ZNF234: variants seen among roughly 807,000 people sequenced by gnomAD.
ZNF234 encodes the protein zinc finger protein 234.
Under a neutral mutation model 10.3 loss-of-function variants are expected in ZNF234, and 4 were observed. The ratio of observed to expected loss-of-function variants is 0.39; its 90% CI spans 0.19 to 0.89. The LOEUF (loss-of-function observed/expected upper bound fraction) is 0.89, where lower values mean the gene tolerates loss of function less well. Among genes scored for constraint, ZNF234 ranks in the 40% least tolerant of loss-of-function variants. The pLI is 0.38. For synonymous variants in ZNF234, 258 were observed against 280.1 expected (o/e 0.92, Z 0.79); for missense variants, 711 against 836.1 (o/e 0.85, Z 1.85).
rs1968472893 is a variant in ZNF234 at position 44,141,918 on chromosome 19, A to G, written c.-131+185A>G. 6.6e-6 allele frequency: 1 copy of G among 152,226 alleles called. No individual in the cohort carries two copies. The highest frequency in any genetic ancestry group is 6.5e-5 in the Admixed American group (1 of 15,286). The allele number at this position is 152,226 out of a possible 1,614,324, so 9.4% of individuals were successfully genotyped here. The stretch of plus-strand genomic sequence containing the variant: ...CCGCCTCCCTGCACTCCAGGCGCGC[A>G]GTCACTTTTTTACAGTGCAAGGTTG... On this transcript the variant is annotated intron_variant, in intron 1 of 5. Transcript: ENST00000426739. The surrounding 1 kb of genome is among the most constrained non-coding windows in gnomAD (Gnocchi z 4.6).
intron 2 of ZNF234, among the ~76,000 whole-genome samples, chr19:44,143,650 A>G (rs1968524011): frequency 6.6e-6 from 1 of 150,990 alleles, no homozygotes; most frequent in South Asian, 2.1e-4. Context: ...CGTCTCTACT[A>G]AAGATACAAA....
intron 5 of ZNF234, among the ~76,000 whole-genome samples, chr19:44,153,164 T>TATATATGATGAATATATATATA (rs1568552114): frequency 3.6e-5 from 2 of 54,868 alleles, no homozygotes; most frequent in African/African-American, 3.4e-4. Context: ...CATGTATTCA[T>TATATATGATGAATATATATATA]CATATATATA....
chr19:44,143,630 A>G (rs1322393947), intron 2 of ZNF234, among the ~76,000 whole-genome samples: 1 of 151,084 alleles, frequency 6.6e-6, no homozygotes, highest in East Asian at 1.9e-4. Context: ...AAAAAAAAAA[A>G]AAGAAAACCC....
Position 44,144,658 on chromosome 19 carries a change from C to T in ZNF234, c.15+11C>T. On this transcript the variant is annotated intron_variant, in intron 3 of 5. Transcript: ENST00000426739. ...ATGACCACATTCAAGGTGAATAAGGCTTGCCACTCTTGCTGTTAAAATTCC... is the reference window on the plus strand; with the variant it reads ...ATGACCACATTCAAGGTGAATAAGGTTTGCCACTCTTGCTGTTAAAATTCC... The T allele has an allele frequency of 1.3e-6, 2 of 1,540,202 alleles. No homozygotes were observed. The highest frequency in any genetic ancestry group is 1.8e-6 in the Non-Finnish European group (2 of 1,138,250).
Position 44,156,970 on chromosome 19 carries a change from T to C in ZNF234, c.954T>C (p.Cys318=). ...ACACAGGAGAGAAACCATACAAATG[T>C]GAGGACTGTGGTAAGTGTTTCACTT... ...MVHTGEKPYK[C]EDCGKCFTCS... The change falls in exon 6 of 6, where the codon TGT becomes TGC. Residue 318 remains cysteine (C), a synonymous_variant. Coordinates refer to ENST00000426739, the MANE Select transcript of ZNF234 (RefSeq NM_006630.3). 1 of 1,614,060 alleles carries C rather than the reference T, an allele frequency of 6.2e-7. No homozygotes were observed. Among genetic ancestry groups the C allele is most frequent in the Non-Finnish European group, 8.5e-7 (1 of 1,179,966 alleles).
chr19:44,150,295 T>C, intron 4 of ZNF234, 118 bp from the exon 5 acceptor site: 1 of 609,064 alleles, frequency 1.6e-6, no homozygotes, highest in Non-Finnish European at 2.6e-6. Flanking sequence ...CTTCTAAAAG[T>C]GTTTGAAAAC....
chr19:44,148,291 G>A (rs914652389), intron 3 of ZNF234, among the ~76,000 whole-genome samples: 2 of 152,180 alleles, frequency 1.3e-5, no homozygotes, highest in Non-Finnish European at 2.9e-5. Context: ...TGCCCTGGGT[G>A]TACAGAAGGA....
intron 5 of ZNF234, among the ~76,000 whole-genome samples, chr19:44,151,900 T>C (rs1968752818): frequency 6.6e-6 from 1 of 152,190 alleles, no homozygotes; most frequent in Non-Finnish European, 1.5e-5. Context: ...CAACCTTAAT[T>C]CCCTCTGCAA....
In ZNF234 at chr19:44,156,273, T is replaced by TGG; in HGVS notation, c.258_259dup (p.Glu87GlyfsTer26). ...ACAGCAGACAAGATCCAAAGTGAGG[T>TGG]GGAGACTGTTCCAGAAGCAGGACGA... On this transcript the variant is annotated frameshift_variant, in exon 6 of 6. Transcript: ENST00000426739. LOFTEE classifies it low-confidence loss of function (END_TRUNC). 1 of 1,568,518 alleles carries TGG rather than the reference T, an allele frequency of 6.4e-7. No homozygotes were observed. The highest frequency in any genetic ancestry group is 8.6e-7 in the Non-Finnish European group (1 of 1,161,426).
chr19:44,157,409 TTCAA>T lies in ZNF234; in HGVS notation c.1397_1400del (p.Asn466ArgfsTer10), dbSNP rs764393336. On this transcript the variant is annotated frameshift_variant, in exon 6 of 6. Transcript: ENST00000426739. LOFTEE classifies it low-confidence loss of function (END_TRUNC). ...TAAGTGTGAAGAGTGTGGGCAGGGC[TTCAA>T]TCAGAGCTCACGACTTCAGATTCAC... is the stretch of plus-strand genomic sequence containing the variant. 9 of 1,613,878 alleles carry T rather than the reference TTCAA, an allele frequency of 5.6e-6. No homozygotes were observed. The highest frequency in any genetic ancestry group is 7.6e-6 in the Non-Finnish European group (9 of 1,179,904).
At position 44,148,827 on chromosome 19, in the gene ZNF234, G is replaced by T. The variant is rs201162038; in HGVS notation, c.72G>T (p.Leu24=). ...TCTTCACTGAGGAGGAGCTGGGGCT[G>T]CTGGACCCTGTCCAGAGGAATCTGT... ...AVVFTEEELG[L]LDPVQRNLYQ... The change falls in exon 4 of 6, where the codon CTG becomes CTT. Residue 24 remains leucine, a synonymous_variant. Coordinates refer to ENST00000426739, the MANE Select transcript of ZNF234 (RefSeq NM_006630.3). 247 of 1,614,020 alleles carry T rather than the reference G, an allele frequency of 1.5e-4. 2 individuals carry two copies. The African/African-American group carries it at 3.0e-3, about 20-fold the overall frequency.
intron 4 of ZNF234, chr19:44,149,805 C>G (rs529567999): frequency 6.6e-6 from 1 of 152,078 alleles, no homozygotes; most frequent in Non-Finnish European, 1.5e-5. Flanking sequence ...ATATAGAGAC[C>G]GGACTTACAG....
chr19:44,146,169 CAG>C (rs1420909315), intron 3 of ZNF234, among the ~76,000 whole-genome samples: 1 of 152,172 alleles, frequency 6.6e-6, no homozygotes, highest in African/African-American at 2.4e-5. Context: ...ATAACGTCCA[CAG>C]GTAGTGGGGG....
At chr19:44,149,532 GT>G (rs1968686217) in intron 4 of ZNF234, among the ~76,000 whole-genome samples, 1 of 152,156 alleles carries the variant, frequency 6.6e-6, no homozygotes, top group African/African-American at 2.4e-5. Context: ...AACACCTGGA[GT>G]TTTTTGTTTT....
chr19:44,156,174 C>T (rs1027343000), intron 5 of ZNF234, 78 bp from the exon 6 acceptor site: 31 of 1,331,310 alleles, frequency 2.3e-5, no homozygotes, highest in Middle Eastern at 2.0e-4. Flanking sequence ...TTGTTAAAAT[C>T]GCATGCTCTC....
chr19:44,141,564 C>A lies in ZNF234; in HGVS notation c.-300C>A, dbSNP rs1968462094. On this transcript the variant is annotated 5_prime_UTR_variant, in exon 1 of 6. Coordinates refer to ENST00000426739, the MANE Select transcript of ZNF234 (RefSeq NM_006630.3). This position sits in a 1 kb window ranked among gnomAD's most constrained non-coding sequence, Gnocchi z 4.6. ...GTAGTCCCGCCAATCAGTGGAGTCG[C>A]GGGCACTTCCGCTCCAGGGAAGAGG... is the stretch of plus-strand genomic sequence containing the variant. 1 of 152,268 alleles carries A rather than the reference C, an allele frequency of 6.6e-6. No individual in the cohort carries two copies. The highest frequency in any genetic ancestry group is 1.5e-5 in the Non-Finnish European group (1 of 68,082). The allele number at this position is 152,268 out of a possible 1,614,324, so 9.4% of individuals were successfully genotyped here. A position where few individuals can be genotyped will look rare whatever the true frequency, so the allele number is the denominator to read the frequency against.
intron 2 of ZNF234, among the ~76,000 whole-genome samples, chr19:44,143,720 G>A (rs1968525741): frequency 6.6e-6 from 1 of 152,134 alleles, no homozygotes; most frequent in African/African-American, 2.4e-5. Flanking sequence ...GCTGAGGCAT[G>A]AGAATCGCTT....
Position 44,144,552 on chromosome 19 carries a change from C to G in ZNF234, c.-76-5C>G. On this transcript the variant is annotated splice_region_variant and splice_polypyrimidine_tract_variant and intron_variant, in intron 2 of 5. Coordinates refer to ENST00000426739, the MANE Select transcript of ZNF234 (RefSeq NM_006630.3). ...CTTTCATGTCTCTTTTTGTGTCTTC[C>G]ATAGTGTTCCAGGCACGATTCTGCC... The G allele has an allele frequency of 7.5e-7, 1 of 1,328,916 alleles. No individual in the cohort carries two copies. Among genetic ancestry groups the G allele is most frequent in the South Asian group, 2.0e-5 (1 of 48,836 alleles). 82.3% of individuals were successfully genotyped at this position (1,328,916 alleles called of 1,614,324 possible).
Position 44,152,028 on chromosome 19 carries a change from G to T in ZNF234, c.235+1523G>T, listed in dbSNP as rs569753727. ...TACTTCTGCCTCAAAGCCCTTATTT[G>T]CCCTTGTCTTTGCCTGGAAAAACTC... On this transcript the variant is annotated intron_variant, in intron 5 of 5. Coordinates refer to ENST00000426739, the MANE Select transcript of ZNF234 (RefSeq NM_006630.3). Among the ~76,000 whole-genome samples, 18 of 152,186 alleles carry T rather than the reference G, an allele frequency of 1.2e-4. No homozygotes were observed. The East Asian group carries it at 2.7e-3, about 23-fold the overall frequency.
Sources: allele counts gnomAD v4.1 joint callset (sites outside exome capture counted in the v4.1 genomes callset), GRCh38; gene constraint gnomAD v4.1.1; non-coding constraint Gnocchi (gnomAD v3.1); transcripts MANE v1.5; gene names NCBI Gene and HGNC (gene_info 2026-07-23, HGNC 2026-07-21).